Variants in CCN5 observed in about 807,000 individuals in gnomAD.
The protein encoded by CCN5 is cellular communication network factor 5, also known as CCN family member 5.
CCN5 carries 17 observed loss-of-function variants against 18.7 expected under a neutral mutation model. That is an observed-to-expected ratio of 0.91 (90% CI 0.62 to 1.36). CCN5 has a LOEUF of 1.36. Among genes scored for constraint, CCN5 ranks in the 40% most tolerant of loss-of-function variants. CCN5 has a pLI of 0.00. For missense variants in CCN5, 367 were observed against 342.9 expected, an observed-to-expected ratio of 1.07 and a Z score of -0.56; for synonymous variants, 135 against 145.2, an observed-to-expected ratio of 0.93 and a Z score of 0.50.
In CCN5 at chr20:44,720,105, T is replaced by A. The variant is rs1397460292; in HGVS notation, c.269T>A (p.Leu90Gln). The part of the protein sequence containing the change: ...PGAGPGGRGA[L>Q]CLLAEDDSSC... ...GCAGGACCCGGTGGCCGGGGGGCCC[T>A]GTGCCTCTGTAAGCAGGTTTGCAGG... The change falls in exon 2 of 4, where the codon CTG (leucine) becomes CAG (glutamine). Residue 90 changes from leucine to glutamine, a missense_variant. Leu to Gln is a moderately radical substitution (Grantham distance 113). Transcript: ENST00000190983. 1.3e-6 allele frequency: 2 copies of A among 1,547,250 alleles called. No individual in the cohort carries two copies. Among genetic ancestry groups the A allele is most frequent in the African/African-American group, 1.4e-5 (1 of 73,700 alleles).
chr20:44,721,411 C>A (rs1367243627), intron 2 of CCN5: 1 of 144,542 alleles, frequency 6.9e-6, no homozygotes, highest in Non-Finnish European at 1.5e-5. Flanking sequence ...ACTTGAGAGG[C>A]TGAGGTGAGA....
chr20:44,723,037 G>C (rs972497741), intron 2 of CCN5, among the ~76,000 whole-genome samples: 3 of 152,062 alleles, frequency 2.0e-5, no homozygotes, highest in African/African-American at 7.2e-5. Context: ...CCATCTCAGA[G>C]GAAAAGCCAA....
In CCN5 at chr20:44,719,696, A is replaced by G. The variant is rs537535314; in HGVS notation, c.61-201A>G. Among the ~76,000 whole-genome samples, 372 of 152,340 alleles carry G rather than the reference A, an allele frequency of 2.4e-3. 1 individual carries two copies. The highest frequency in any genetic ancestry group is 6.8e-3 in the African/African-American group (284 of 41,582). ...AAATAAAGAACTGGAACTCTAGTCCAGAGTCCTTGCCCATAACTACATGCC... is the reference window on the plus strand; with the variant it reads ...AAATAAAGAACTGGAACTCTAGTCCGGAGTCCTTGCCCATAACTACATGCC... On this transcript the variant is annotated intron_variant, in intron 1 of 3. Transcript: ENST00000190983.
At chr20:44,719,868 G>A (rs751179620) in intron 1 of CCN5, 29 bp from the exon 2 acceptor site, 118 of 1,601,972 alleles carry the variant, frequency 7.4e-5, no homozygotes, top group Middle Eastern at 2.0e-4. Context: ...TCGAAAGCCC[G>A]TGGCTGAGTG....
At chr20:44,717,620 TA>T (rs2065868545) in intron 1 of CCN5, among the ~76,000 whole-genome samples, 1 of 152,136 alleles carries the variant, frequency 6.6e-6, no homozygotes, top group African/African-American at 2.4e-5. Context: ...CTCATGCCTG[TA>T]ATCCCAGCAC....
chr20:44,724,670 G>C (rs1471072167), intron 2 of CCN5, 68 bp from the exon 3 acceptor site: 1 of 1,598,576 alleles, frequency 6.3e-7, no homozygotes, highest in Non-Finnish European at 8.5e-7. Context: ...GCGGGATCTG[G>C]GCAGCTCTGC....
intron 1 of CCN5, 69 bp downstream of exon 1, chr20:44,715,519 C>G (rs983368029): frequency 2.7e-6 from 4 of 1,507,886 alleles, no homozygotes; most frequent in Admixed American, 3.9e-5. Flanking sequence ...GATGTAAAAT[C>G]GCAGCCAAGG....
At chr20:44,725,720 G>C (rs1431819183) in intron 3 of CCN5, among the ~76,000 whole-genome samples, 2 of 145,996 alleles carry the variant, frequency 1.4e-5, no homozygotes, top group East Asian at 4.0e-4. Flanking sequence ...ATTATTATTT[G>C]GGCTTACTAA....
Position 44,727,762 on chromosome 20 carries a change from G to C in CCN5, c.*455G>C, listed in dbSNP as rs538005457. On this transcript the variant is annotated 3_prime_UTR_variant, in exon 4 of 4. Coordinates refer to ENST00000190983, the MANE Select transcript of CCN5 (RefSeq NM_003881.4). ...ACACAGAGATTCTGGATCTCCTGCT[G>C]CCTTTTCTGGAGTTTGTAAAATTGT... is the stretch of plus-strand genomic sequence containing the variant. 7.7e-6 allele frequency: 2 copies of C among 258,704 alleles called. No homozygotes were observed. The highest frequency in any genetic ancestry group is 5.5e-5 in the Admixed American group (1 of 18,214). The allele number at this position is 258,704 out of a possible 1,614,324, so 16.0% of individuals were successfully genotyped here.
intron 1 of CCN5, among the ~76,000 whole-genome samples, chr20:44,715,820 C>T (rs1236823742): frequency 6.6e-6 from 1 of 152,210 alleles, no homozygotes; most frequent in African/African-American, 2.4e-5. Context: ...ACATGACATG[C>T]TTGGCCTAAC....
intron 2 of CCN5, among the ~76,000 whole-genome samples, chr20:44,722,063 C>G (rs1386780324): frequency 1.3e-5 from 2 of 152,208 alleles, no homozygotes; most frequent in Non-Finnish European, 2.9e-5. Flanking sequence ...CAAAGGCGTA[C>G]TTGGGTCCCT....
chr20:44,720,102 C>G lies in CCN5; in HGVS notation c.266C>G (p.Ala89Gly). ...QPGAGPGGRG[A>G]LCLLAEDDSS... ...GGGGCAGGACCCGGTGGCCGGGGGG[C>G]CCTGTGCCTCTGTAAGCAGGTTTGC... The change falls in exon 2 of 4, where the codon GCC becomes GGC. Residue 89 changes from alanine to glycine, a missense_variant. Physicochemically the swap from Ala to Gly is moderately conservative, Grantham distance 60 (BLOSUM62 0). Coordinates refer to ENST00000190983, the MANE Select transcript of CCN5 (RefSeq NM_003881.4). 1 of 1,548,720 alleles carries G rather than the reference C, an allele frequency of 6.5e-7. No homozygotes were observed. Among genetic ancestry groups the G allele is most frequent in the Non-Finnish European group, 8.7e-7 (1 of 1,153,394 alleles).
At position 44,719,964 on chromosome 20, in the gene CCN5, T is replaced by C; in HGVS notation, c.128T>C (p.Val43Ala). Residue 43 changes from valine (V) to alanine (A), a missense_variant, in exon 2 of 4, where the codon GTA (valine) becomes GCA (alanine). By Grantham distance (64) the Val-to-Ala change is moderately conservative (BLOSUM62 0). Coordinates refer to ENST00000190983, the MANE Select transcript of CCN5 (RefSeq NM_003881.4). ...PWPPPRCPLG[V>A]PLVLDGCGCC... is the part of the protein sequence containing the mutation. ...CCACCTCCCCGATGCCCGCTGGGAG[T>C]ACCCCTGGTGCTGGATGGCTGTGGC... 1 of 1,613,702 alleles carries C rather than the reference T, an allele frequency of 6.2e-7. No homozygotes were observed. Among genetic ancestry groups the C allele is most frequent in the Non-Finnish European group, 8.5e-7 (1 of 1,179,898 alleles).
In CCN5 at chr20:44,727,317, G is replaced by A; in HGVS notation, c.*10G>A. ...AAACAGTGCCTTCTAGAGCCGGGCT[G>A]GGAATGGGGACACGGTGTCCACCAT... On this transcript the variant is annotated 3_prime_UTR_variant, in exon 4 of 4. Coordinates refer to ENST00000190983, the MANE Select transcript of CCN5 (RefSeq NM_003881.4). 1 of 1,600,788 alleles carries A rather than the reference G, an allele frequency of 6.2e-7. No individual in the cohort carries two copies. The highest frequency in any genetic ancestry group is 2.3e-5 in the East Asian group (1 of 44,442).
At position 44,727,292 on chromosome 20, in the gene CCN5, A is replaced by C. The variant is rs763406500; in HGVS notation, c.738A>C (p.Gln246His). 2 of 1,611,926 alleles carry C rather than the reference A, an allele frequency of 1.2e-6. No individual in the cohort carries two copies. The highest frequency in any genetic ancestry group is 2.2e-5 in the South Asian group (2 of 90,812). The change falls in exon 4 of 4, where the codon CAA (glutamine) becomes CAC (histidine). Residue 246 changes from glutamine to histidine, a missense_variant. Physicochemically the swap from Gln to His is conservative, Grantham distance 24. Coordinates refer to ENST00000190983, the MANE Select transcript of CCN5 (RefSeq NM_003881.4). ...PCPPSRGRSP[Q>H]NSAF ...CACCCTCCAGGGGTCGCAGTCCACA[A>C]AACAGTGCCTTCTAGAGCCGGGCTG...
At chr20:44,717,216 T>C (rs933374015) in intron 1 of CCN5, among the ~76,000 whole-genome samples, 3 of 152,212 alleles carry the variant, frequency 2.0e-5, no homozygotes, top group Non-Finnish European at 4.4e-5. Context: ...ATGGGCATAA[T>C]GATGGCACCT....
rs752404249 is a variant in CCN5, at chr20:44,727,309, G to A, written c.*2G>A. 6.2e-7 allele frequency: 1 copy of A among 1,604,792 alleles called. No individual in the cohort carries two copies. Among genetic ancestry groups the A allele is most frequent in the African/African-American group, 1.3e-5 (1 of 74,750 alleles). ...AGTCCACAAAACAGTGCCTTCTAGAGCCGGGCTGGGAATGGGGACACGGTG... is the reference window on the plus strand; with the variant it reads ...AGTCCACAAAACAGTGCCTTCTAGAACCGGGCTGGGAATGGGGACACGGTG... On this transcript the variant is annotated 3_prime_UTR_variant, in exon 4 of 4. Transcript: ENST00000190983.
In CCN5 at chr20:44,715,423, C is replaced by T. The variant is rs771827257; in HGVS notation, c.33C>T (p.Ala11=). 4 of 1,601,106 alleles carry T rather than the reference C, an allele frequency of 2.5e-6. No homozygotes were observed. The highest frequency in any genetic ancestry group is 3.4e-6 in the Non-Finnish European group (4 of 1,174,178). Residue 11 remains alanine (A), a synonymous_variant, in exon 1 of 4, where the codon GCC becomes GCT. Transcript: ENST00000190983. MRGTPKTHLL[A]FSLLCLLSKV... ...GCACACCGAAGACCCACCTCCTGGC[C>T]TTCTCCCTCCTCTGCCTCCTCTCAA...
intron 1 of CCN5, among the ~76,000 whole-genome samples, chr20:44,717,210 G>A (rs972167446): frequency 6.6e-6 from 1 of 152,182 alleles, no homozygotes; most frequent in East Asian, 1.9e-4. Context: ...TTTAAAATGG[G>A]CATAATGATG....
Sources: gnomAD v4.1 joint callset for allele counts (sites outside exome capture counted in the v4.1 genomes callset) on GRCh38, gnomAD v4.1.1 for gene constraint, MANE v1.5 for transcripts, NCBI Gene and HGNC (gene_info 2026-07-23, HGNC 2026-07-21) for gene names.